Variants in ESR1 observed in about 807,000 individuals in gnomAD.
ESR1 encodes estrogen receptor 1.
ESR1 carries 12 observed loss-of-function variants against 52.7 expected under a neutral mutation model. That is an observed-to-expected ratio of 0.23 (90% CI 0.15 to 0.37). The LOEUF is 0.37. Among genes scored for constraint, ESR1 ranks in the 10% least tolerant of loss-of-function variants. The pLI, the probability that ESR1 is intolerant of heterozygous loss-of-function variation, is 1.00. For synonymous variants in ESR1, 305 were observed against 316.8 expected, an observed-to-expected ratio of 0.96 and a Z score of 0.39; for missense variants, 584 against 779.7, an observed-to-expected ratio of 0.75 and a Z score of 2.99.
intron 6 of ESR1, among the ~76,000 whole-genome samples, chr6:152,089,456 T>C (rs1373561203): frequency 3.3e-5 from 5 of 152,270 alleles, no homozygotes; most frequent in Admixed American, 6.5e-5. Flanking sequence ...AATTGCCAAA[T>C]TGCATAAAGT....
upstream of ESR1, among the ~76,000 whole-genome samples, chr6:151,690,189 C>T (rs1361944722): frequency 6.6e-6 from 1 of 152,184 alleles, no homozygotes; most frequent in Non-Finnish European, 1.5e-5. Flanking sequence ...TTTGGATTAA[C>T]AAAATTTATG....
chr6:152,098,770 A>G lies in ESR1; in HGVS notation c.1592A>G (p.Lys531Arg), dbSNP rs919374451. ...GMEHLYSMKC[K>R]NVVPLYDLLL... is the part of the protein sequence containing the mutation. ...GAGCATCTGTACAGCATGAAGTGCA[A>G]GAACGTGGTGCCCCTCTATGACCTG... Residue 531 changes from lysine to arginine, a missense_variant, in exon 8 of 8, where the codon AAG becomes AGG. This residue lies in a region of ESR1 where 141 missense variants were observed against 289.3 expected (regional missense o/e 0.49). Coordinates refer to ENST00000206249, the MANE Select transcript of ESR1 (RefSeq NM_000125.4). This position sits in a 1 kb window ranked among gnomAD's most constrained non-coding sequence, Gnocchi z 5.1. 11 of 1,614,062 alleles carry G rather than the reference A, an allele frequency of 6.8e-6. No homozygotes were observed. The highest frequency in any genetic ancestry group is 1.7e-6 in the Non-Finnish European group (2 of 1,180,032).
At chr6:152,055,339 C>T (rs1204733975) in intron 5 of ESR1, among the ~76,000 whole-genome samples, 3 of 152,116 alleles carry the variant, frequency 2.0e-5, no homozygotes, top group Admixed American at 6.5e-5. Context: ...ATGTCCTCGC[C>T]GACAAGCCTG....
intron 2 of ESR1, among the ~76,000 whole-genome samples, chr6:151,844,840 A>G (rs73780878): frequency 0.012 from 1,783 of 152,304 alleles, 27 homozygotes; most frequent in African/African-American, 0.039. Context: ...CCATAATACC[A>G]CAAAATTTAA....
intron 2 of ESR1, among the ~76,000 whole-genome samples, chr6:151,748,499 G>T (rs534737936): frequency 6.6e-6 from 1 of 152,122 alleles, no homozygotes; most frequent in Non-Finnish European, 1.5e-5. Flanking sequence ...CTAATGAAGG[G>T]CATTTTGGTT....
intron 4 of ESR1, among the ~76,000 whole-genome samples, chr6:151,968,379 A>T (rs957643653): frequency 6.6e-6 from 1 of 152,218 alleles, no homozygotes; most frequent in Non-Finnish European, 1.5e-5. Flanking sequence ...TTCATGACTA[A>T]AATACCAAAA....
At chr6:151,810,052 T>C (rs1337634252) in intron 1 of ESR1, among the ~76,000 whole-genome samples, 6 of 152,158 alleles carry the variant, frequency 3.9e-5, no homozygotes, top group Non-Finnish European at 8.8e-5. Flanking sequence ...TTAATGCTGC[T>C]GAATTTCAAT....
At chr6:152,039,943 A>G (rs1474316912) in intron 5 of ESR1, among the ~76,000 whole-genome samples, 1 of 152,200 alleles carries the variant, frequency 6.6e-6, no homozygotes, top group Non-Finnish European at 1.5e-5. Flanking sequence ...GTGTAATGCC[A>G]TGACAGTGGG....
At chr6:151,857,009 A>C (rs1240126519) in intron 2 of ESR1, among the ~76,000 whole-genome samples, 1 of 152,166 alleles carries the variant, frequency 6.6e-6, no homozygotes, top group Non-Finnish European at 1.5e-5. Flanking sequence ...AATATAAGGC[A>C]AGATAAAAAG....
chr6:151,710,126 T>C (rs1390891841), intron 2 of ESR1, among the ~76,000 whole-genome samples: 1 of 152,060 alleles, frequency 6.6e-6, no homozygotes, highest in Non-Finnish European at 1.5e-5. Flanking sequence ...AGATTTTTTT[T>C]CTCTAAACCA....
At chr6:151,840,286 C>T (rs539254927) in intron 1 of ESR1, among the ~76,000 whole-genome samples, 10 of 152,114 alleles carry the variant, frequency 6.6e-5, no homozygotes, top group Non-Finnish European at 1.5e-4. Flanking sequence ...AGTAAACAAG[C>T]AATAAAAAGA....
At chr6:151,761,288 A>G (rs146397609) in intron 2 of ESR1, among the ~76,000 whole-genome samples, 1 of 152,162 alleles carries the variant, frequency 6.6e-6, no homozygotes, top group Non-Finnish European at 1.5e-5. Flanking sequence ...ATATTTAACT[A>G]AAGAAAATAA....
chr6:151,770,971 A>G (rs572667589), intron 2 of ESR1, among the ~76,000 whole-genome samples: 1 of 152,242 alleles, frequency 6.6e-6, no homozygotes, highest in Non-Finnish European at 1.5e-5. Context: ...AGGAAACAGT[A>G]GACATATAAA....
chr6:152,024,781 CAT>C (rs2043990474), intron 5 of ESR1, among the ~76,000 whole-genome samples: 1 of 147,456 alleles, frequency 6.8e-6, no homozygotes, highest in African/African-American at 2.5e-5. Flanking sequence ...TATAAATATA[CAT>C]ATGTATGTAT....
At chr6:151,756,585 CTTT>C (rs1160906892) in intron 2 of ESR1, among the ~76,000 whole-genome samples, 1 of 152,290 alleles carries the variant, frequency 6.6e-6, no homozygotes, top group East Asian at 1.9e-4. Flanking sequence ...GGGTAGACTT[CTTT>C]GTTTTGTCCA....
chr6:151,850,000 AT>A (rs1786081522), intron 2 of ESR1, among the ~76,000 whole-genome samples: 1 of 83,404 alleles, frequency 1.2e-5, no homozygotes, highest in Non-Finnish European at 2.5e-5. Flanking sequence ...ATATATATAT[AT>A]ATATAATTTT....
Position 151,769,900 on chromosome 6 carries a change from C to T in ESR1, c.-70-37943C>T, listed in dbSNP as rs117030137. On this transcript the variant is annotated intron_variant, in intron 2 of 2. Transcript: ENST00000404742. ...AAAGTTAGCCAGGCATGGTGGCACG[C>T]GTCTGCAGTCCCGGCTACTCGGGAA... Among the ~76,000 whole-genome samples, 574 of 152,142 alleles carry T rather than the reference C, an allele frequency of 3.8e-3. 3 individuals are homozygous for T. Among genetic ancestry groups the T allele is most frequent in the Middle Eastern group, 6.8e-3 (2 of 294 alleles).
At chr6:151,951,783 C>A (rs2036350037) in intron 4 of ESR1, among the ~76,000 whole-genome samples, 1 of 152,200 alleles carries the variant, frequency 6.6e-6, no homozygotes. Flanking sequence ...AAACTTTTAG[C>A]CTCTGCAAAC....
At chr6:152,045,173 T>C (rs2046127646) in intron 5 of ESR1, among the ~76,000 whole-genome samples, 1 of 152,190 alleles carries the variant, frequency 6.6e-6, no homozygotes, top group South Asian at 2.1e-4. Context: ...GGACAATTAC[T>C]GTGAGCAGAT....
Sources: gnomAD v4.1 joint callset for allele counts (sites outside exome capture counted in the v4.1 genomes callset) on GRCh38, gnomAD v4.1.1 for gene constraint, gnomAD v4.1.1 regional missense constraint, Gnocchi (gnomAD v3.1) non-coding constraint, MANE v1.5 for transcripts, NCBI Gene and HGNC (gene_info 2026-07-23, HGNC 2026-07-21) for gene names.